GTF2A1: variants seen among roughly 807,000 people sequenced by gnomAD.
The protein encoded by GTF2A1 is transcription initiation factor IIA subunit 1.
Under a neutral mutation model 54.1 loss-of-function variants are expected in GTF2A1, and 12 were observed. That is an observed-to-expected ratio of 0.22 (90% confidence interval 0.14 to 0.36). The LOEUF (loss-of-function observed/expected upper bound fraction) is 0.36, where lower values mean the gene tolerates loss of function less well. Ranked by LOEUF, GTF2A1 falls within the 10% of genes least tolerant of loss-of-function variation. The pLI, the probability that GTF2A1 is intolerant of heterozygous loss-of-function variation, is 1.00. For missense variants in GTF2A1, 335 were observed against 442.2 expected (o/e 0.76, Z 2.17); for synonymous variants, 145 against 152.0 (o/e 0.95, Z 0.34).
At chr14:81,203,836 C>T in intron 3 of GTF2A1, 64 bp downstream of exon 3, 1 of 1,368,338 alleles carries the variant, frequency 7.3e-7, no homozygotes, top group Admixed American at 1.7e-5. Context: ...CAGAATATTT[C>T]TCTTCTTTCA....
At chr14:81,204,130 C>T in intron 2 of GTF2A1, 26 bp from the exon 3 acceptor site, 1 of 1,472,188 alleles carries the variant, frequency 6.8e-7, no homozygotes, top group South Asian at 1.1e-5. Flanking sequence ...TTAAAGATTT[C>T]TAAGTGAAAA....
intron 8 of GTF2A1, 94 bp from the exon 9 acceptor site, chr14:81,180,424 C>T (rs1316872866): frequency 3.0e-6 from 2 of 656,532 alleles, no homozygotes; most frequent in Non-Finnish European, 5.6e-6. Flanking sequence ...CACGTACACA[C>T]ACACCCCCCC....
intron 6 of GTF2A1, 92 bp downstream of exon 6, chr14:81,196,016 C>A: frequency 1.7e-6 from 2 of 1,143,426 alleles, no homozygotes; most frequent in Non-Finnish European, 2.6e-6. Context: ...GAAAAAGAGT[C>A]TTTTGTGCAT....
At chr14:81,211,297 T>G (rs528417369) in intron 2 of GTF2A1, among the ~76,000 whole-genome samples, 41 of 152,252 alleles carry the variant, frequency 2.7e-4, no homozygotes, top group Non-Finnish European at 5.9e-4. Flanking sequence ...GTCTCTAAAC[T>G]AGACTGCTGC....
At chr14:81,193,443 G>A (rs1243245377) in intron 6 of GTF2A1, among the ~76,000 whole-genome samples, 1 of 152,186 alleles carries the variant, frequency 6.6e-6, no homozygotes, top group Non-Finnish European at 1.5e-5. Flanking sequence ...ACAGGCGTGA[G>A]CCACAACGCC....
At chr14:81,206,339 C>T (rs1893230098) in intron 2 of GTF2A1, among the ~76,000 whole-genome samples, 2 of 152,188 alleles carry the variant, frequency 1.3e-5, no homozygotes, top group South Asian at 4.1e-4. Context: ...CTGGTCCTTT[C>T]TGCCCAGCAG....
intron 8 of GTF2A1, among the ~76,000 whole-genome samples, chr14:81,181,377 A>G (rs1333205183): frequency 6.6e-6 from 1 of 151,660 alleles, no homozygotes; most frequent in Non-Finnish European, 1.5e-5. Flanking sequence ...TCAGGCTTTC[A>G]TTTTCAGAAG....
At chr14:81,207,681 T>C (rs986582232) in intron 2 of GTF2A1, among the ~76,000 whole-genome samples, 1 of 152,208 alleles carries the variant, frequency 6.6e-6, no homozygotes, top group African/African-American at 2.4e-5. Flanking sequence ...ACTTGTTGAA[T>C]GGCTTTGACG....
chr14:81,192,724 G>A lies in GTF2A1; in HGVS notation c.728C>T (p.Pro243Leu). The change falls in exon 7 of 9, where the codon CCT (proline) becomes CTT (leucine). Residue 243 changes from proline (P) to leucine (L), a missense_variant. By Grantham distance (98) the Pro-to-Leu change is moderately conservative (BLOSUM62 -3). Around this residue, in one of 2 missense-constraint regions of GTF2A1, gnomAD observed 306 missense variants for 360.4 expected, o/e 0.85. Transcript: ENST00000553612. ...AGTTATCTGTGCTTGGGCTGGTGTA[G>A]GTGCTGCCACTGTCGTAGGTATAAC... The part of the protein sequence containing the change: ...TQVIPTTVAA[P>L]TPAQAQITAT... 2 of 1,614,076 alleles carry A rather than the reference G, an allele frequency of 1.2e-6. No homozygotes were observed. Among genetic ancestry groups the A allele is most frequent in the Non-Finnish European group, 1.7e-6 (2 of 1,179,916 alleles).
chr14:81,176,138 CA>C lies in GTF2A1; in HGVS notation c.*4084del, dbSNP rs921447186. 3 of 151,996 alleles carry C rather than the reference CA, an allele frequency of 2.0e-5. No homozygotes were observed. Among genetic ancestry groups the C allele is most frequent in the African/African-American group, 4.8e-5 (2 of 41,404 alleles). The allele number at this position is 151,996 out of a possible 1,614,324, so 9.4% of individuals were successfully genotyped here. On this transcript the variant is annotated 3_prime_UTR_variant, in exon 9 of 9. Transcript: ENST00000553612. ...ATATACTAGTAAGCAAAGCAAGCAA[CA>C]TTTTTTTTTAAATAACATCTTTAAT...
At chr14:81,219,792 G>A (rs1028373433) in intron 1 of GTF2A1, among the ~76,000 whole-genome samples, 2 of 152,154 alleles carry the variant, frequency 1.3e-5, no homozygotes, top group East Asian at 3.9e-4. Flanking sequence ...GCGAAAGCGG[G>A]GACACTTGGA....
rs568661797 is a variant in GTF2A1 at position 81,219,452 on chromosome 14, G to T, written c.30+1037C>A. Among the ~76,000 whole-genome samples the T allele has an allele frequency of 1.8e-4, 28 of 152,310 alleles. No individual in the cohort carries two copies. The South Asian group carries it at 5.8e-3, about 32-fold the overall frequency. ...TCCCATCCTGGCAGAGTCTATATTAGAGAGCGGCAATGGCTCTATATAAAC... is the reference window on the plus strand; with the variant it reads ...TCCCATCCTGGCAGAGTCTATATTATAGAGCGGCAATGGCTCTATATAAAC... On this transcript the variant is annotated intron_variant, in intron 1 of 8. Transcript: ENST00000553612.
intron 2 of GTF2A1, among the ~76,000 whole-genome samples, chr14:81,208,055 A>C (rs1014376243): frequency 6.6e-6 from 1 of 152,258 alleles, no homozygotes; most frequent in Admixed American, 6.5e-5. Flanking sequence ...AGAAATTTGC[A>C]TAAGTAGCAA....
At chr14:81,197,359 G>A in intron 5 of GTF2A1, 50 bp downstream of exon 5, 1 of 940,868 alleles carries the variant, frequency 1.1e-6, no homozygotes, top group Non-Finnish European at 1.7e-6. Flanking sequence ...GGGCTAGATA[G>A]TACAATTTTC....
intron 4 of GTF2A1, among the ~76,000 whole-genome samples, chr14:81,200,869 A>G (rs996390075): frequency 9.4e-5 from 13 of 138,382 alleles, no homozygotes; most frequent in Non-Finnish European, 3.1e-5. Context: ...ATCTGACTAT[A>G]TTTTAATGTT....
intron 5 of GTF2A1, among the ~76,000 whole-genome samples, chr14:81,196,614 G>T (rs1226929616): frequency 6.6e-6 from 1 of 152,130 alleles, no homozygotes. Flanking sequence ...AGCTTTAAAG[G>T]AACAAAAGCT....
Position 81,220,604 on chromosome 14 carries a change from G to C in GTF2A1, c.-86C>G. 1 of 1,106,222 alleles carries C rather than the reference G, an allele frequency of 9.0e-7. No individual in the cohort carries two copies. Among genetic ancestry groups the C allele is most frequent in the Non-Finnish European group, 1.3e-6 (1 of 781,228 alleles). The allele number at this position is 1,106,222 out of a possible 1,614,324, so 68.5% of individuals were successfully genotyped here. ...AAAAAAAAAAAAACTATAACACCCG[G>C]AGGGTGACCCAAATCACCGCAAGAT... On this transcript the variant is annotated 5_prime_UTR_variant, in exon 1 of 9. Coordinates refer to ENST00000553612, the MANE Select transcript of GTF2A1 (RefSeq NM_015859.4).
intron 4 of GTF2A1, among the ~76,000 whole-genome samples, chr14:81,198,214 G>A (rs1470538703): frequency 1.3e-5 from 2 of 152,204 alleles, no homozygotes; most frequent in African/African-American, 2.4e-5. Flanking sequence ...GGAGGCCCAC[G>A]TGGGCAGATC....
chr14:81,197,568 C>T, intron 4 of GTF2A1, 84 bp from the exon 5 acceptor site: 3 of 765,536 alleles, frequency 3.9e-6, no homozygotes, highest in Admixed American at 2.9e-5. Flanking sequence ...GTGTATGAAA[C>T]TTTTTGTTTA....
Sources: gnomAD v4.1 joint callset for allele counts (sites outside exome capture counted in the v4.1 genomes callset) on GRCh38, gnomAD v4.1.1 for gene constraint, gnomAD v4.1.1 regional missense constraint, MANE v1.5 for transcripts, NCBI Gene and HGNC (gene_info 2026-07-23, HGNC 2026-07-21) for gene names.